The following WDR17 variants were observed in gnomAD, a reference collection of about 807,000 sequenced individuals.
WDR17 encodes WD repeat domain 17, also known as WD repeat-containing protein 17.
In WDR17, 143 loss-of-function variants were observed where a neutral mutation model predicts 161.7. The ratio of observed to expected loss-of-function variants is 0.88; its 90% CI spans 0.77 to 1.02. The LOEUF (loss-of-function observed/expected upper bound fraction) is 1.02, where lower values mean the gene tolerates loss of function less well. Among genes scored for constraint, WDR17 ranks in the 50% least tolerant of loss-of-function variants. The pLI is 0.00. For synonymous variants in WDR17, 517 were observed against 515.6 expected (o/e 1.00, Z -0.04); for missense variants, 1,469 against 1,520.9 (o/e 0.97, Z 0.57).
Position 176,162,009 on chromosome 4 carries a change from A to G in WDR17, c.2751-66A>G, listed in dbSNP as rs1277493396. The G allele has an allele frequency of 3.0e-5, 40 of 1,319,672 alleles. 1 individual carries two copies. In the Admixed American group the frequency reaches 7.1e-4, roughly 23 times the overall value. The allele number at this position is 1,319,672 out of a possible 1,614,324, so 81.7% of individuals were successfully genotyped here. ...GGTCTTTTTATCATACCTTTTAAAA[A>G]GTATTAGTTTGCTTTTATAATGGAA... On this transcript the variant is annotated intron_variant, in intron 20 of 28. Transcript: ENST00000508596.
intron 11 of WDR17, among the ~76,000 whole-genome samples, chr4:176,144,804 G>C (rs1238126652): frequency 6.6e-6 from 1 of 151,982 alleles, no homozygotes; most frequent in Non-Finnish European, 1.5e-5. Context: ...ATCTCTGACT[G>C]TATAATTTAG....
intron 17 of WDR17, among the ~76,000 whole-genome samples, chr4:176,152,294 C>CAAAAAAAAACAAAAAAAAAAAAAA (rs1747273402): frequency 1.4e-5 from 1 of 72,164 alleles, no homozygotes; most frequent in Non-Finnish European, 2.8e-5. Context: ...GACCCTATCT[C>CAAAAAAAAACAAAAAAAAAAAAAA]AAAAAAAAAA....
chr4:176,146,985 G>A (rs1444388045), intron 12 of WDR17, among the ~76,000 whole-genome samples: 1 of 151,952 alleles, frequency 6.6e-6, no homozygotes, highest in Non-Finnish European at 1.5e-5. Context: ...TCCTGCTTCA[G>A]CCTCCCTAGT....
intron 22 of WDR17, among the ~76,000 whole-genome samples, chr4:176,167,563 G>T (rs1749983908): frequency 7.3e-6 from 1 of 137,300 alleles, no homozygotes; most frequent in Non-Finnish European, 1.5e-5. Flanking sequence ...GGAGAATGGC[G>T]TGAACCCCAG....
At chr4:176,169,640 C>A (rs896578923) in intron 23 of WDR17, among the ~76,000 whole-genome samples, 1 of 152,000 alleles carries the variant, frequency 6.6e-6, no homozygotes, top group African/African-American at 2.4e-5. Context: ...TTATTTGAAC[C>A]GTGATTTTTT....
At chr4:176,128,926 G>T in intron 6 of WDR17, 66 bp downstream of exon 6, 1 of 1,362,714 alleles carries the variant, frequency 7.3e-7, no homozygotes, top group South Asian at 1.6e-5. Flanking sequence ...AAATAAAATG[G>T]TATAGTGAGA....
intron 19 of WDR17, 94 bp downstream of exon 19, chr4:176,160,220 A>G (rs1579226221): frequency 1.4e-6 from 2 of 1,466,252 alleles, no homozygotes; most frequent in East Asian, 4.6e-5. Context: ...TACATAATTG[A>G]CAAAGTCATA....
chr4:176,156,919 T>G (rs1311582052), intron 18 of WDR17, among the ~76,000 whole-genome samples: 2 of 152,130 alleles, frequency 1.3e-5, no homozygotes, highest in Non-Finnish European at 2.9e-5. Flanking sequence ...ATGGCATTAT[T>G]CCCTGTGTGT....
At position 176,155,618 on chromosome 4, in the gene WDR17, C is replaced by CA. The variant is rs1455775216; in HGVS notation, c.2461-460dup. Reference sequence around the variant, plus strand: ...GGAGTGCAGTGATGTGATCACAACTCACTGCAGCCTTGAACCCCTGGGCTC... The same window carrying CA: ...GGAGTGCAGTGATGTGATCACAACTCAACTGCAGCCTTGAACCCCTGGGCTC... On this transcript the variant is annotated intron_variant, in intron 17 of 28. Coordinates refer to ENST00000508596, the MANE Select transcript of WDR17 (RefSeq NM_181265.4). Among the ~76,000 whole-genome samples the CA allele has an allele frequency of 3.6e-5, 5 of 138,154 alleles. No individual in the cohort carries two copies. In the South Asian group the frequency reaches 7.1e-4, roughly 20 times the overall value. The allele number at this position is 138,154 out of a possible 152,430, so 90.6% of individuals were successfully genotyped here.
chr4:176,148,569 C>G (rs1187666515), intron 13 of WDR17, among the ~76,000 whole-genome samples: 1 of 152,152 alleles, frequency 6.6e-6, no homozygotes, highest in Non-Finnish European at 1.5e-5. Flanking sequence ...GTCTTTCTCC[C>G]CACTGTCTGC....
chr4:176,092,733 C>T (rs1736288257), intron 1 of WDR17, among the ~76,000 whole-genome samples: 1 of 152,124 alleles, frequency 6.6e-6, no homozygotes. Context: ...TATATGCCAA[C>T]AGTGAACAAT....
intron 1 of WDR17, among the ~76,000 whole-genome samples, chr4:176,092,717 C>A (rs1579024017): frequency 6.6e-6 from 1 of 152,250 alleles, no homozygotes; most frequent in South Asian, 2.1e-4. Flanking sequence ...AAATAAGCAG[C>A]ATTTCTATAT....
intron 1 of WDR17, among the ~76,000 whole-genome samples, chr4:176,074,268 C>T (rs1226035241): frequency 1.3e-5 from 2 of 151,902 alleles, no homozygotes; most frequent in Non-Finnish European, 2.9e-5. Context: ...CATCCTGTGC[C>T]ATCTTTTAAA....
At chr4:176,119,825 A>G (rs1741253808) in intron 3 of WDR17, 42 bp from the exon 4 acceptor site, 1 of 1,535,566 alleles carries the variant, frequency 6.5e-7, no homozygotes, top group Non-Finnish European at 9.0e-7. Flanking sequence ...GTGTAATCTT[A>G]TGCTGTATCT....
intron 26 of WDR17, among the ~76,000 whole-genome samples, chr4:176,175,186 A>G (rs1751262430): frequency 6.6e-6 from 1 of 152,230 alleles, no homozygotes; most frequent in Non-Finnish European, 1.5e-5. Flanking sequence ...CATTTTATTC[A>G]GGAAGGAAAG....
chr4:176,162,015 A>G (rs2877924), intron 20 of WDR17, 60 bp from the exon 21 acceptor site: 974,729 of 1,342,050 alleles, frequency 0.73, 356,485 homozygotes, highest in South Asian at 0.8. Flanking sequence ...AAAAAGTATT[A>G]GTTTGCTTTT....
At chr4:176,085,595 G>A (rs1735324169) in intron 1 of WDR17, among the ~76,000 whole-genome samples, 2 of 151,954 alleles carry the variant, frequency 1.3e-5, no homozygotes, top group Non-Finnish European at 2.9e-5. Context: ...GTGTGAAGGT[G>A]GATATAGTAT....
At position 176,182,409 on chromosome 4, in the gene WDR17, A is replaced by G. The variant is rs201074600; in HGVS notation, c.*2830A>G. The G allele has an allele frequency of 0.033, 107 of 3,206 alleles. No homozygotes were observed. The highest frequency in any genetic ancestry group is 0.062 in the South Asian group (2 of 32). 0.2% of individuals were successfully genotyped at this position (3,206 alleles called of 1,614,324 possible). A position where few individuals can be genotyped will look rare whatever the true frequency, so the allele number is the denominator to read the frequency against. ...TATATATGTGCGTGTGTGTGTGTATATATATATATATATATATATATTTCT... is the reference window on the plus strand; with the variant it reads ...TATATATGTGCGTGTGTGTGTGTATGTATATATATATATATATATATTTCT... On this transcript the variant is annotated 3_prime_UTR_variant, in exon 29 of 29. Coordinates refer to ENST00000508596, the MANE Select transcript of WDR17 (RefSeq NM_181265.4). The surrounding 1 kb of genome is among the most constrained non-coding windows in gnomAD (Gnocchi z 4.2).
Position 176,125,239 on chromosome 4 carries a change from G to T in WDR17, c.674G>T (p.Arg225Leu). Residue 225 changes from arginine (R) to leucine (L), a missense_variant, in exon 5 of 29, where the codon CGC (arginine) becomes CTC (leucine). Transcript: ENST00000508596. ...GTGGTTAATTTGCATTATGGAATTC[G>T]CCTGGTAGATTCTGAATCACTTTCT... ...LLVVNLHYGI[R>L]LVDSESLSCI... 7 of 1,614,064 alleles carry T rather than the reference G, an allele frequency of 4.3e-6. No individual in the cohort carries two copies. The highest frequency in any genetic ancestry group is 5.9e-6 in the Non-Finnish European group (7 of 1,180,006).
Sources: gnomAD v4.1 joint callset for allele counts (sites outside exome capture counted in the v4.1 genomes callset) on GRCh38, gnomAD v4.1.1 for gene constraint, Gnocchi (gnomAD v3.1) non-coding constraint, MANE v1.5 for transcripts, NCBI Gene and HGNC (gene_info 2026-07-23, HGNC 2026-07-21) for gene names.